The following NRG1 variants were observed in gnomAD, a reference collection of about 807,000 sequenced individuals.
The protein encoded by NRG1 is pro-neuregulin-1, membrane-bound isoform.
A neutral mutation model predicts 63.8 loss-of-function variants in NRG1; 18 were observed. The ratio of observed to expected loss-of-function variants is 0.28; its 90% CI spans 0.19 to 0.42. The LOEUF is 0.42. Among genes scored for constraint, NRG1 ranks in the 10% least tolerant of loss-of-function variants. NRG1 has a pLI of 1.00. For missense variants in NRG1, 762 were observed against 814.7 expected, an observed-to-expected ratio of 0.94 and a Z score of 0.79; for synonymous variants, 302 against 301.3, an observed-to-expected ratio of 1.00 and a Z score of -0.02.
chr8:32,391,696 G>A (rs780788728), intron 1 of NRG1, among the ~76,000 whole-genome samples: 9 of 152,190 alleles, frequency 5.9e-5, no homozygotes, highest in Non-Finnish European at 1.0e-4. Flanking sequence ...ACATGATCTC[G>A]TTCTTTTTTA....
chr8:32,442,504 A>G (rs2129487518), intron 1 of NRG1: 1 of 152,310 alleles, frequency 6.6e-6, no homozygotes, highest in Non-Finnish European at 1.5e-5. Context: ...GCGCAGAACA[A>G]TGGAAGTCCC....
At chr8:32,476,002 C>T (rs568395809) in intron 1 of NRG1, among the ~76,000 whole-genome samples, 1 of 152,116 alleles carries the variant, frequency 6.6e-6, no homozygotes, top group Admixed American at 6.6e-5. Context: ...GCCTATCTTG[C>T]CGAAGAGTAG....
At chr8:32,344,305 C>A (rs1449440240) in intron 1 of NRG1, among the ~76,000 whole-genome samples, 1 of 143,348 alleles carries the variant, frequency 7.0e-6, no homozygotes, top group African/African-American at 2.6e-5. Flanking sequence ...AGAGCCACAT[C>A]TTTTTTTTTT....
intron 6 of NRG1, among the ~76,000 whole-genome samples, chr8:32,737,496 A>G (rs558518122): frequency 2.0e-5 from 3 of 152,206 alleles, no homozygotes; most frequent in Admixed American, 1.3e-4. Context: ...GATTGCAATG[A>G]GCTGAGATCT....
At chr8:32,574,657 C>T (rs1721014994) in intron 1 of NRG1, among the ~76,000 whole-genome samples, 1 of 152,178 alleles carries the variant, frequency 6.6e-6, no homozygotes, top group African/African-American at 2.4e-5. Flanking sequence ...CCCACTACTC[C>T]TTTGCCTTCC....
intron 1 of NRG1, among the ~76,000 whole-genome samples, chr8:32,264,911 A>T (rs946651424): frequency 6.6e-5 from 10 of 152,214 alleles, no homozygotes. Flanking sequence ...TATGCAAAGA[A>T]AAAGTTCAAC....
intron 5 of NRG1, among the ~76,000 whole-genome samples, chr8:32,686,014 A>G (rs1378632560): frequency 2.0e-5 from 3 of 152,262 alleles, no homozygotes; most frequent in Non-Finnish European, 4.4e-5. Context: ...GAAAAGATTT[A>G]TTATAAAGTT....
rs1832145779 is a variant in NRG1 at position 32,537,615 on chromosome 8, AG to A, written c.38-58209del. Among the ~76,000 whole-genome samples, 4 of 152,316 alleles carry A rather than the reference AG, an allele frequency of 2.6e-5. No individual in the cohort carries two copies. The South Asian group carries it at 8.3e-4, about 32-fold the overall frequency. ...GCAGGAGCAGCAGCAGCTGGAAGTC[AG>A]GGGAGAGTGGCAACTAAAGACCTGC... On this transcript the variant is annotated intron_variant, in intron 1 of 10. Transcript: ENST00000519301.
intron 5 of NRG1, among the ~76,000 whole-genome samples, chr8:32,709,371 T>A (rs1264175252): frequency 6.6e-6 from 1 of 152,182 alleles, no homozygotes; most frequent in Non-Finnish European, 1.5e-5. Flanking sequence ...TTTGAACAAA[T>A]CTGTGACTTA....
intron 5 of NRG1, among the ~76,000 whole-genome samples, chr8:32,707,150 G>T (rs1340576071): frequency 6.6e-6 from 1 of 151,928 alleles, no homozygotes; most frequent in Middle Eastern, 3.2e-3. Flanking sequence ...TTTTAATTCA[G>T]ATAATTAGAG....
intron 1 of NRG1, among the ~76,000 whole-genome samples, chr8:31,776,456 G>A (rs1819147072): frequency 6.6e-6 from 1 of 152,194 alleles, no homozygotes; most frequent in East Asian, 1.9e-4. Context: ...ATTAGAATAT[G>A]TGAGGTAATG....
intron 1 of NRG1, among the ~76,000 whole-genome samples, chr8:31,995,783 A>G (rs1198509234): frequency 6.6e-6 from 1 of 151,982 alleles, no homozygotes; most frequent in Non-Finnish European, 1.5e-5. Flanking sequence ...GAAGAGTCCA[A>G]TATTACTACC....
intron 1 of NRG1, among the ~76,000 whole-genome samples, chr8:32,254,623 A>C (rs1226762197): frequency 6.6e-6 from 1 of 152,080 alleles, no homozygotes; most frequent in East Asian, 1.9e-4. Context: ...AATAAGTGAG[A>C]TGTGGTGCTG....
At chr8:31,933,304 G>A (rs1835017955) in intron 1 of NRG1, among the ~76,000 whole-genome samples, 1 of 150,628 alleles carries the variant, frequency 6.6e-6, no homozygotes, top group South Asian at 2.1e-4. Context: ...TTTTGAGACA[G>A]AGTTTCACTC....
chr8:32,031,868 G>C (rs983042538), intron 1 of NRG1, among the ~76,000 whole-genome samples: 1 of 152,086 alleles, frequency 6.6e-6, no homozygotes, highest in African/African-American at 2.4e-5. Context: ...TCATTGATGG[G>C]CATTTGGGTG....
At chr8:32,254,112 T>C (rs1425891790) in intron 1 of NRG1, among the ~76,000 whole-genome samples, 2 of 152,090 alleles carry the variant, frequency 1.3e-5, no homozygotes, top group East Asian at 3.9e-4. Context: ...TAGTGGTCTA[T>C]CTATTTTTTA....
At chr8:32,694,173 A>G (rs1211105723) in intron 5 of NRG1, among the ~76,000 whole-genome samples, 1 of 152,208 alleles carries the variant, frequency 6.6e-6, no homozygotes, top group East Asian at 1.9e-4. Flanking sequence ...TCACGTCTAG[A>G]ATCTATCTGG....
At chr8:31,899,123 A>G (rs1831856495) in intron 1 of NRG1, among the ~76,000 whole-genome samples, 3 of 146,088 alleles carry the variant, frequency 2.1e-5, no homozygotes, top group South Asian at 4.4e-4. Context: ...TTTTTTTTTG[A>G]GGCAGGGTCT....
chr8:31,659,153 CAG>C (rs1317970383), intron 1 of NRG1, among the ~76,000 whole-genome samples: 1 of 152,146 alleles, frequency 6.6e-6, no homozygotes, highest in Non-Finnish European at 1.5e-5. Flanking sequence ...GTTGCTTGGT[CAG>C]AGAGATATTT....
Sources: gnomAD v4.1 joint callset for allele counts (sites outside exome capture counted in the v4.1 genomes callset) on GRCh38, gnomAD v4.1.1 for gene constraint, MANE v1.5 for transcripts, NCBI Gene and HGNC (gene_info 2026-07-23, HGNC 2026-07-21) for gene names.